MEIS2: variants seen among roughly 807,000 people sequenced by gnomAD.
MEIS2 encodes Meis homeobox 2.
MEIS2 carries 9 observed loss-of-function variants against 58.6 expected under a neutral mutation model. That is an observed-to-expected ratio of 0.15 (90% CI 0.09 to 0.27). MEIS2 has a LOEUF of 0.27. MEIS2 is among the 10% of genes least tolerant of loss of function. The pLI, the probability that MEIS2 is intolerant of heterozygous loss-of-function variation, is 1.00. For missense variants in MEIS2, 427 were observed against 635.0 expected (o/e 0.67, Z 3.52); for synonymous variants, 221 against 228.4 (o/e 0.97, Z 0.29).
At position 37,010,367 on chromosome 15, in the gene MEIS2, A is replaced by G. The variant is rs751975218; in HGVS notation, c.900+26447T>C. ...CTCCCAAAGTGCTGAGATTACAGGCATGAGCCACCACGCCCGGCCTATTTC... is the reference window on the plus strand; with the variant it reads ...CTCCCAAAGTGCTGAGATTACAGGCGTGAGCCACCACGCCCGGCCTATTTC... On this transcript the variant is annotated intron_variant, in intron 8 of 11. Coordinates refer to ENST00000561208, the MANE Select transcript of MEIS2 (RefSeq NM_170675.5). Among the ~76,000 whole-genome samples, 5 of 151,258 alleles carry G rather than the reference A, an allele frequency of 3.3e-5. No homozygotes were observed. The South Asian group carries it at 6.3e-4, about 19-fold the overall frequency.
intron 8 of MEIS2, among the ~76,000 whole-genome samples, chr15:36,965,813 T>C (rs1323798236): frequency 1.3e-5 from 2 of 152,144 alleles, no homozygotes; most frequent in Non-Finnish European, 2.9e-5. Flanking sequence ...AACTAGTCAT[T>C]CAAGTGAGAA....
At chr15:37,062,512 G>A (rs1162411290) in intron 7 of MEIS2, among the ~76,000 whole-genome samples, 2 of 152,210 alleles carry the variant, frequency 1.3e-5, no homozygotes, top group East Asian at 3.9e-4. Context: ...TCACAAAGAA[G>A]ACGGAAACGT....
rs756659832 is a variant in MEIS2, at chr15:37,083,862, G to A, written c.663C>T (p.His221=). The A allele has an allele frequency of 1.5e-5, 25 of 1,613,914 alleles. No individual in the cohort carries two copies. The highest frequency in any genetic ancestry group is 4.4e-5 in the South Asian group (4 of 91,062). The part of the protein sequence containing the change: ...ADHNPSSWRD[H]DDATSTHSAG... ...CTGAGTGGGTTGAGGTTGCATCATC[G>A]TGGTCTCGCCAAGAAGAAGGGTTCT... Residue 221 remains histidine (H), a synonymous_variant, in exon 7 of 12, where the codon CAC becomes CAT. Coordinates refer to ENST00000561208, the MANE Select transcript of MEIS2 (RefSeq NM_170675.5).
At chr15:36,923,147 C>T (rs966393117) in intron 9 of MEIS2, among the ~76,000 whole-genome samples, 4 of 152,212 alleles carry the variant, frequency 2.6e-5, no homozygotes, top group African/African-American at 7.2e-5. Context: ...ATACAAAATG[C>T]GCTTAATTTC....
intron 9 of MEIS2, among the ~76,000 whole-genome samples, chr15:36,946,513 A>T (rs60821094): frequency 6.6e-6 from 1 of 151,856 alleles, no homozygotes; most frequent in Non-Finnish European, 1.5e-5. Context: ...TCTGCACTAA[A>T]TTTTTCCCCC....
intron 8 of MEIS2, among the ~76,000 whole-genome samples, chr15:36,960,887 T>C (rs2059156875): frequency 6.6e-6 from 1 of 152,138 alleles, no homozygotes; most frequent in Non-Finnish European, 1.5e-5. Flanking sequence ...TTCTGCATTG[T>C]ACTAGTAAAT....
rs78317401 is a variant in MEIS2 at position 36,952,454 on chromosome 15, T to C, written c.901-2054A>G. ...CATCACAAGAGTATCTAGATCTGCATTGGTAATGTCTTCCAGTGTGCTGTT... is the reference window on the plus strand; with the variant it reads ...CATCACAAGAGTATCTAGATCTGCACTGGTAATGTCTTCCAGTGTGCTGTT... On this transcript the variant is annotated intron_variant, in intron 8 of 11. Coordinates refer to ENST00000561208, the MANE Select transcript of MEIS2 (RefSeq NM_170675.5). 1.6e-3 allele frequency among the ~76,000 whole-genome samples: 237 copies of C among 152,248 alleles called. 1 individual carries two copies. Among genetic ancestry groups the C allele is most frequent in the Middle Eastern group, 6.8e-3 (2 of 294 alleles).
At chr15:36,992,827 G>A (rs17527073) in intron 8 of MEIS2, among the ~76,000 whole-genome samples, 2,859 of 152,176 alleles carry the variant, frequency 0.019, 30 homozygotes, top group Middle Eastern at 0.058. Context: ...AATCTACTCA[G>A]GTTTTCTCGC....
intron 7 of MEIS2, among the ~76,000 whole-genome samples, chr15:37,053,130 A>G (rs960870405): frequency 1.1e-4 from 16 of 152,190 alleles, no homozygotes; most frequent in African/African-American, 3.9e-4. Flanking sequence ...CAGTAGGTTT[A>G]TTCATATACC....
chr15:36,980,449 C>T (rs1012569809), intron 8 of MEIS2, among the ~76,000 whole-genome samples: 2 of 152,106 alleles, frequency 1.3e-5, no homozygotes, highest in African/African-American at 4.8e-5. Context: ...AGGAGCAAGT[C>T]ACCTCTTACA....
intron 9 of MEIS2, among the ~76,000 whole-genome samples, chr15:36,928,142 C>T (rs147464490): frequency 4.3e-4 from 65 of 152,180 alleles, no homozygotes; most frequent in African/African-American, 1.5e-3. Context: ...AAAACAAAAA[C>T]GTTGCATAAT....
intron 8 of MEIS2, among the ~76,000 whole-genome samples, chr15:37,012,947 G>A (rs1466381989): frequency 6.6e-6 from 1 of 152,098 alleles, no homozygotes; most frequent in Non-Finnish European, 1.5e-5. Context: ...CAATCTCAGT[G>A]ACCCTAAAAG....
intron 5 of MEIS2, 34 bp from the exon 6 acceptor site, chr15:37,093,764 A>ATGTTGT: frequency 6.3e-7 from 1 of 1,594,798 alleles, no homozygotes; most frequent in Non-Finnish European, 8.6e-7. Context: ...GGTTTAGCTC[A>ATGTTGT]TGTTGTTGTT....
intron 8 of MEIS2, among the ~76,000 whole-genome samples, chr15:37,024,298 T>A (rs1475454595): frequency 1.3e-5 from 2 of 152,174 alleles, no homozygotes; most frequent in Admixed American, 1.3e-4. Context: ...TCTTTATCTC[T>A]GCTCACTACT....
At chr15:36,952,009 T>C (rs900957341) in intron 8 of MEIS2, among the ~76,000 whole-genome samples, 11 of 152,148 alleles carry the variant, frequency 7.2e-5, no homozygotes, top group Non-Finnish European at 1.5e-4. Flanking sequence ...TCACACTCAT[T>C]CCTGGTCATC....
intron 9 of MEIS2, among the ~76,000 whole-genome samples, chr15:36,904,606 G>A (rs4383090): frequency 0.92 from 139,139 of 151,856 alleles, 63,789 homozygotes; most frequent in East Asian, 0.98. Flanking sequence ...TACACTCTTT[G>A]AATCAAAGAG....
intron 8 of MEIS2, among the ~76,000 whole-genome samples, chr15:36,966,129 A>C (rs1429931922): frequency 1.3e-5 from 2 of 152,130 alleles, no homozygotes; most frequent in Non-Finnish European, 2.9e-5. Flanking sequence ...CGCTGGGGTT[A>C]ATAATTCATT....
chr15:37,010,233 A>G lies in MEIS2; in HGVS notation c.900+26581T>C, dbSNP rs113171412. On this transcript the variant is annotated intron_variant, in intron 8 of 11. Coordinates refer to ENST00000561208, the MANE Select transcript of MEIS2 (RefSeq NM_170675.5). Reference sequence around the variant, plus strand: ...CTCCCGAGTAGCTGGGACTACAGGCACCCACCACCACACCTGGCTAATTTT... The same window carrying G: ...CTCCCGAGTAGCTGGGACTACAGGCGCCCACCACCACACCTGGCTAATTTT... 6.3e-4 allele frequency among the ~76,000 whole-genome samples: 95 copies of G among 151,602 alleles called. 1 individual carries two copies. Among genetic ancestry groups the G allele is most frequent in the South Asian group, 3.8e-3 (18 of 4,786 alleles).
intron 8 of MEIS2, among the ~76,000 whole-genome samples, chr15:37,028,015 G>A (rs1236160744): frequency 1.3e-5 from 2 of 152,148 alleles, no homozygotes; most frequent in Non-Finnish European, 2.9e-5. Flanking sequence ...TTGGACAAAT[G>A]TATAATGACA....
Sources: allele counts gnomAD v4.1 joint callset (sites outside exome capture counted in the v4.1 genomes callset), GRCh38; gene constraint gnomAD v4.1.1; transcripts MANE v1.5; gene names NCBI Gene and HGNC (gene_info 2026-07-23, HGNC 2026-07-21).